GRM8: variants seen among roughly 807,000 people sequenced by gnomAD.
GRM8 encodes metabotropic glutamate receptor 8.
In GRM8, 47 loss-of-function variants were observed where a neutral mutation model predicts 87.2. The observed-to-expected ratio is 0.54, with a 90% CI of 0.43 to 0.69. GRM8 has a LOEUF of 0.69. Ranked by LOEUF, GRM8 falls within the 30% of genes least tolerant of loss-of-function variation. GRM8 has a pLI of 0.00. For synonymous variants in GRM8, 396 were observed against 404.5 expected (o/e 0.98, Z 0.25); for missense variants, 1,019 against 1,139.2 (o/e 0.89, Z 1.52).
intron 7 of GRM8, among the ~76,000 whole-genome samples, chr7:126,692,476 T>C (rs543421083): frequency 1.5e-4 from 23 of 152,270 alleles, no homozygotes; most frequent in African/African-American, 5.3e-4. Context: ...TTAGATGATG[T>C]GTGTTAAAAA....
intron 8 of GRM8, among the ~76,000 whole-genome samples, chr7:126,542,226 T>C (rs1453920838): frequency 6.6e-6 from 1 of 152,172 alleles, no homozygotes; most frequent in Non-Finnish European, 1.5e-5. Flanking sequence ...GAAAACTAAT[T>C]TAGGCTCTAA....
chr7:126,519,205 T>C (rs946837821), intron 9 of GRM8, among the ~76,000 whole-genome samples: 1 of 152,026 alleles, frequency 6.6e-6, no homozygotes, highest in Non-Finnish European at 1.5e-5. Flanking sequence ...AATACAACCA[T>C]AGTTGCATAA....
chr7:127,136,075 A>G (rs924648907), intron 2 of GRM8, among the ~76,000 whole-genome samples: 7 of 152,186 alleles, frequency 4.6e-5, no homozygotes, highest in African/African-American at 1.7e-4. Context: ...GTCATCAATT[A>G]TGAAGCACTT....
intron 3 of GRM8, among the ~76,000 whole-genome samples, chr7:126,932,830 T>C (rs564273747): frequency 2.6e-5 from 4 of 152,308 alleles, no homozygotes; most frequent in Non-Finnish European, 4.4e-5. Context: ...GAAATGAATT[T>C]GTGTGATTCA....
chr7:127,223,260 A>T (rs142827816), intron 2 of GRM8, among the ~76,000 whole-genome samples: 1 of 152,040 alleles, frequency 6.6e-6, no homozygotes, highest in Non-Finnish European at 1.5e-5. Context: ...CCTCATCTAT[A>T]CCTGAAAAGC....
rs1563447657 is a variant in GRM8 at position 127,045,022 on chromosome 7, C to CATGAATGTGGTTCA, written c.727+61473_727+61474insTGAACCACATTCAT. Among the ~76,000 whole-genome samples the CATGAATGTGGTTCA allele has an allele frequency of 2.0e-5, 3 of 152,288 alleles. No individual in the cohort carries two copies. The East Asian group carries it at 5.8e-4, about 29-fold the overall frequency. On this transcript the variant is annotated intron_variant, in intron 3 of 10. Coordinates refer to ENST00000339582, the MANE Select transcript of GRM8 (RefSeq NM_000845.3). ...CTCTGTTTCTCCTCAGAAACAGCCACTATGTCATGAATGTGGTTCATATTC... is the reference window on the plus strand; with the variant it reads ...CTCTGTTTCTCCTCAGAAACAGCCACATGAATGTGGTTCATATGTCATGAATGTGGTTCATATTC...
At chr7:126,661,748 T>C (rs28665677) in intron 7 of GRM8, among the ~76,000 whole-genome samples, 17 of 152,140 alleles carry the variant, frequency 1.1e-4, no homozygotes, top group African/African-American at 4.1e-4. Flanking sequence ...ATTGGAAATA[T>C]ACAAGCATCA....
At chr7:126,693,231 T>C (rs1809014382) in intron 7 of GRM8, among the ~76,000 whole-genome samples, 1 of 152,246 alleles carries the variant, frequency 6.6e-6, no homozygotes, top group African/African-American at 2.4e-5. Flanking sequence ...GGCAGTGTTA[T>C]ACTAACATTA....
chr7:126,472,056 G>A (rs922910708), intron 9 of GRM8, among the ~76,000 whole-genome samples: 26 of 152,108 alleles, frequency 1.7e-4, no homozygotes, highest in African/African-American at 5.3e-4. Context: ...AGACTTTGCT[G>A]AAGTTGCTTA....
At chr7:126,619,703 G>T (rs1799910192) in intron 7 of GRM8, among the ~76,000 whole-genome samples, 2 of 151,954 alleles carry the variant, frequency 1.3e-5, no homozygotes, top group Non-Finnish European at 2.9e-5. Context: ...TTTTTGAGGA[G>T]GGTGGTGGAA....
At chr7:126,826,539 T>C (rs1015290730) in intron 6 of GRM8, among the ~76,000 whole-genome samples, 4 of 152,240 alleles carry the variant, frequency 2.6e-5, no homozygotes, top group African/African-American at 9.6e-5. Context: ...TGTCTGTTCA[T>C]GTCCTTCGCC....
chr7:126,619,471 AC>A (rs948358222), intron 7 of GRM8, among the ~76,000 whole-genome samples: 4 of 152,150 alleles, frequency 2.6e-5, no homozygotes, highest in Admixed American at 2.6e-4. Flanking sequence ...CATGTAACAA[AC>A]CTGCACGTTG....
In GRM8 at chr7:126,736,568, C is replaced by T. The variant is rs1307255736; in HGVS notation, c.1357+33297G>A. The stretch of plus-strand genomic sequence containing the variant: ...GCAAACTGGATGTTTTTGTGTCCCT[C>T]TCCTTACATTTAGGCAAAAAACTGC... On this transcript the variant is annotated intron_variant, in intron 7 of 10. Coordinates refer to ENST00000339582, the MANE Select transcript of GRM8 (RefSeq NM_000845.3). Among the ~76,000 whole-genome samples, 4 of 152,112 alleles carry T rather than the reference C, an allele frequency of 2.6e-5. No homozygotes were observed. The South Asian group carries it at 8.3e-4, about 32-fold the overall frequency.
intron 3 of GRM8, among the ~76,000 whole-genome samples, chr7:127,092,122 C>A (rs949488014): frequency 6.7e-6 from 1 of 150,312 alleles, no homozygotes; most frequent in South Asian, 2.1e-4. Context: ...CCCTCCATTG[C>A]TTAATCCCTT....
intron 2 of GRM8, among the ~76,000 whole-genome samples, chr7:127,193,646 G>C (rs965775426): frequency 6.6e-6 from 1 of 152,100 alleles, no homozygotes; most frequent in Non-Finnish European, 1.5e-5. Flanking sequence ...GTAATACTTT[G>C]GGTCAAGAAC....
chr7:126,743,179 A>G (rs1427586527), intron 7 of GRM8, among the ~76,000 whole-genome samples: 1 of 152,162 alleles, frequency 6.6e-6, no homozygotes, highest in Non-Finnish European at 1.5e-5. Context: ...AAAGTAGACT[A>G]GTGCATAACT....
intron 3 of GRM8, among the ~76,000 whole-genome samples, chr7:127,104,067 G>A (rs1307758224): frequency 6.6e-6 from 1 of 152,060 alleles, no homozygotes; most frequent in African/African-American, 2.4e-5. Context: ...ATTCCATTAT[G>A]ATCTGCTTGA....
chr7:126,769,722 G>A (rs920406278), intron 7 of GRM8, 143 bp downstream of exon 7: 5 of 601,704 alleles, frequency 8.3e-6, no homozygotes, highest in African/African-American at 1.9e-5. Flanking sequence ...AAAAGCAGGT[G>A]GAAAAACTCA....
chr7:126,989,573 T>C (rs927713963), intron 3 of GRM8, among the ~76,000 whole-genome samples: 8 of 152,176 alleles, frequency 5.3e-5, no homozygotes, highest in African/African-American at 1.4e-4. Flanking sequence ...TTTCTTGCCA[T>C]CCTCTCACCC....
Sources: allele counts gnomAD v4.1 joint callset (sites outside exome capture counted in the v4.1 genomes callset), GRCh38; gene constraint gnomAD v4.1.1; transcripts MANE v1.5; gene names NCBI Gene and HGNC (gene_info 2026-07-23, HGNC 2026-07-21).